The following CACNA1H variants were observed in gnomAD, a reference collection of about 807,000 sequenced individuals.
The protein encoded by CACNA1H is voltage-dependent T-type calcium channel subunit alpha-1H.
In CACNA1H, 149 loss-of-function variants were observed where a neutral mutation model predicts 192.5. The ratio of observed to expected loss-of-function variants is 0.77; its 90% CI spans 0.68 to 0.89. The LOEUF is 0.89. Among genes scored for constraint, CACNA1H ranks in the 40% least tolerant of loss-of-function variants. The pLI, the probability that CACNA1H is intolerant of heterozygous loss-of-function variation, is 0.00. For synonymous variants in CACNA1H, 2,202 were observed against 1,475.2 expected (o/e 1.49, Z -11.29); for missense variants, 4,257 against 3,423.5 (o/e 1.24, Z -6.08).
intron 2 of CACNA1H, among the ~76,000 whole-genome samples, chr16:1,186,543 C>G (rs1411221594): frequency 6.6e-6 from 1 of 152,092 alleles, no homozygotes; most frequent in Non-Finnish European, 1.5e-5. Context: ...CCGGCGATTC[C>G]CTGGGAACGT....
At position 1,167,103 on chromosome 16, in the gene CACNA1H, G is replaced by A. The variant is rs1039876980; in HGVS notation, c.299+13067G>A. On this transcript the variant is annotated intron_variant, in intron 2 of 34. Coordinates refer to ENST00000348261, the MANE Select transcript of CACNA1H (RefSeq NM_021098.3). The surrounding 1 kb of genome is among the most constrained non-coding windows in gnomAD (Gnocchi z 4.2). ...TGAGTGCTGACAACCACACCCAGCCGGAGTCCAGGGCTGTGGGAGTGGACA... is the reference window on the plus strand; with the variant it reads ...TGAGTGCTGACAACCACACCCAGCCAGAGTCCAGGGCTGTGGGAGTGGACA... Among the ~76,000 whole-genome samples, 1 of 152,188 alleles carries A rather than the reference G, an allele frequency of 6.6e-6. No individual in the cohort carries two copies. The highest frequency in any genetic ancestry group is 2.4e-5 in the African/African-American group (1 of 41,460).
In CACNA1H at chr16:1,220,825, G is replaced by A. The variant is rs769136587; in HGVS notation, c.6893G>A (p.Gly2298Glu). The A allele has an allele frequency of 7.4e-5, 120 of 1,612,598 alleles. No individual in the cohort carries two copies. The highest frequency in any genetic ancestry group is 9.7e-5 in the Non-Finnish European group (114 of 1,179,784). ...CCAGAATCCAGAGCTTCCTCTTCAG[G>A]GGCCATAGTGCCCCTGGAACCCCCA... ...VTPESRASSS[G>E]AIVPLEPPES... The change falls in exon 35 of 35, where the codon GGG becomes GAG. Residue 2298 changes from glycine to glutamate, a missense_variant. Coordinates refer to ENST00000348261, the MANE Select transcript of CACNA1H (RefSeq NM_021098.3).
In CACNA1H at chr16:1,213,662, G is replaced by T. The variant is rs112290002; in HGVS notation, c.4778-118G>T. The T allele has an allele frequency of 0.019, 12,846 of 676,108 alleles. 182 individuals carry two copies. The highest frequency in any genetic ancestry group is 0.029 in the Middle Eastern group (68 of 2,370). 41.9% of individuals were successfully genotyped at this position (676,108 alleles called of 1,614,324 possible). On this transcript the variant is annotated intron_variant, in intron 26 of 34. Transcript: ENST00000348261. ...CAGGGCCAGCCCCATCTTCACATGA[G>T]CCGTGGGCCCCCAACTTCTACCCTA...
At chr16:1,162,038 G>C (rs892938094) in intron 2 of CACNA1H, among the ~76,000 whole-genome samples, 1 of 152,138 alleles carries the variant, frequency 6.6e-6, no homozygotes, top group Non-Finnish European at 1.5e-5. Flanking sequence ...ACCCTGTCGG[G>C]GTCGTGTCAC....
chr16:1,213,393 G>T (rs186611142), intron 26 of CACNA1H, among the ~76,000 whole-genome samples: 297 of 152,230 alleles, frequency 2.0e-3, no homozygotes, highest in Middle Eastern at 6.8e-3. Flanking sequence ...CAGGGGGGCG[G>T]GCCCTGCCAG....
At chr16:1,189,265 C>T (rs1359743993) in intron 2 of CACNA1H, among the ~76,000 whole-genome samples, 1 of 151,992 alleles carries the variant, frequency 6.6e-6, no homozygotes, top group Non-Finnish European at 1.5e-5. Flanking sequence ...AGGCCCAGCC[C>T]CTGGCAGGGC....
intron 2 of CACNA1H, among the ~76,000 whole-genome samples, chr16:1,156,589 G>T (rs1040299590): frequency 6.6e-6 from 1 of 152,136 alleles, no homozygotes; most frequent in African/African-American, 2.4e-5. Flanking sequence ...TAGCAAGAGG[G>T]TGCTTCCTGG....
At chr16:1,172,158 G>T (rs1028198336) in intron 2 of CACNA1H, among the ~76,000 whole-genome samples, 2 of 152,194 alleles carry the variant, frequency 1.3e-5, no homozygotes, top group Non-Finnish European at 2.9e-5. Context: ...GCACACGGTG[G>T]GTGTCAGGGG....
intron 16 of CACNA1H, among the ~76,000 whole-genome samples, chr16:1,208,753 C>T (rs1191523095): frequency 6.6e-6 from 1 of 152,166 alleles, no homozygotes; most frequent in African/African-American, 2.4e-5. Context: ...CCTGGGGACA[C>T]GGGGGCCACC....
intron 2 of CACNA1H, among the ~76,000 whole-genome samples, chr16:1,163,941 C>T (rs1963485613): frequency 1.3e-5 from 2 of 152,210 alleles, no homozygotes. Flanking sequence ...AGCGGCTCAG[C>T]TTCTTGGTTA....
intron 13 of CACNA1H, 32 bp downstream of exon 13, chr16:1,207,150 G>C (rs746547106): frequency 1.9e-6 from 3 of 1,554,648 alleles, no homozygotes; most frequent in Non-Finnish European, 8.7e-7. Flanking sequence ...GCAGTGTTGG[G>C]TGCTGAGTGT....
At chr16:1,161,733 G>A (rs1397263625) in intron 2 of CACNA1H, among the ~76,000 whole-genome samples, 1 of 152,148 alleles carries the variant, frequency 6.6e-6, no homozygotes, top group Admixed American at 6.5e-5. Flanking sequence ...TGTCAGCCCC[G>A]TCCAGTCGGT....
intron 16 of CACNA1H, among the ~76,000 whole-genome samples, chr16:1,208,545 C>T (rs565446103): frequency 2.0e-5 from 3 of 152,316 alleles, no homozygotes; most frequent in Non-Finnish European, 4.4e-5. Context: ...GCGGGGGTTC[C>T]GCTGCCACCA....
intron 6 of CACNA1H, among the ~76,000 whole-genome samples, chr16:1,199,985 C>G (rs901504471): frequency 6.6e-6 from 1 of 152,168 alleles, no homozygotes; most frequent in South Asian, 2.1e-4. Flanking sequence ...GTGTTTGTCT[C>G]TGTGGACTTG....
intron 2 of CACNA1H, among the ~76,000 whole-genome samples, chr16:1,161,992 G>T (rs2151653791): frequency 6.6e-6 from 1 of 152,312 alleles, no homozygotes; most frequent in East Asian, 1.9e-4. Flanking sequence ...GTCTGAAGTG[G>T]ACTGGCAGAG....
chr16:1,186,694 C>T (rs1966097431), intron 2 of CACNA1H, among the ~76,000 whole-genome samples: 2 of 152,164 alleles, frequency 1.3e-5, no homozygotes, highest in Non-Finnish European at 2.9e-5. Context: ...GGTCCCGATG[C>T]CCGTGGCACC....
At chr16:1,164,067 G>C (rs543131354) in intron 2 of CACNA1H, among the ~76,000 whole-genome samples, 14 of 152,330 alleles carry the variant, frequency 9.2e-5, no homozygotes, top group African/African-American at 3.4e-4. Flanking sequence ...CGCCGGCCGG[G>C]TATGGAGGCC....
At chr16:1,211,353 A>T in intron 22 of CACNA1H, 59 bp downstream of exon 22, 1 of 1,608,924 alleles carries the variant, frequency 6.2e-7, no homozygotes, top group Non-Finnish European at 8.5e-7. Context: ...CTGCCTTCCC[A>T]GCGTGGCTCC....
Position 1,208,150 on chromosome 16 carries a change from C to T in CACNA1H, c.3292C>T (p.Pro1098Ser), listed in dbSNP as rs771270859. 5.7e-6 allele frequency: 9 copies of T among 1,579,416 alleles called. No individual in the cohort carries two copies. Among genetic ancestry groups the T allele is most frequent in the African/African-American group, 4.1e-5 (3 of 73,866 alleles). The change falls in exon 16 of 35, where the codon CCC becomes TCC. Residue 1098 changes from proline to serine, a missense_variant. Physicochemically the swap from Pro to Ser is moderately conservative, Grantham distance 74 (BLOSUM62 -1). Transcript: ENST00000348261. ...PKSSPFLDAAPSLPDSRRGSS... is the reference protein window; with the variant it reads ...PKSSPFLDAASSLPDSRRGSS... ...GAGCTCACCATTCCTGGATGCAGCCCCCAGCCTCCCAGACTCTCGGCGTGG... is the reference window on the plus strand; with the variant it reads ...GAGCTCACCATTCCTGGATGCAGCCTCCAGCCTCCCAGACTCTCGGCGTGG...
Sources: allele counts gnomAD v4.1 joint callset (sites outside exome capture counted in the v4.1 genomes callset), GRCh38; gene constraint gnomAD v4.1.1; non-coding constraint Gnocchi (gnomAD v3.1); transcripts MANE v1.5; gene names NCBI Gene and HGNC (gene_info 2026-07-23, HGNC 2026-07-21).